The following ADCY2 variants were observed in gnomAD, a reference collection of about 807,000 sequenced individuals.
ADCY2 encodes the protein adenylate cyclase type 2.
A neutral mutation model predicts 125.2 loss-of-function variants in ADCY2; 31 were observed. That is an observed-to-expected ratio of 0.25 (90% CI 0.19 to 0.33). ADCY2 has a LOEUF of 0.33. Among genes scored for constraint, ADCY2 ranks in the 10% least tolerant of loss-of-function variants. The pLI, the probability that ADCY2 is intolerant of heterozygous loss-of-function variation, is 1.00. For synonymous variants in ADCY2, 512 were observed against 548.4 expected (o/e 0.93, Z 0.93); for missense variants, 904 against 1,418.2 (o/e 0.64, Z 5.82).
At chr5:7,695,226 C>T (rs1039747888) in intron 5 of ADCY2, among the ~76,000 whole-genome samples, 6 of 152,200 alleles carry the variant, frequency 3.9e-5, no homozygotes, top group African/African-American at 1.2e-4. Context: ...CTGTCATTTC[C>T]GAAGAGTGAC....
At chr5:7,573,227 C>A (rs1736119244) in intron 3 of ADCY2, among the ~76,000 whole-genome samples, 1 of 152,186 alleles carries the variant, frequency 6.6e-6, no homozygotes, top group Admixed American at 6.5e-5. Flanking sequence ...ACTAGCAAAT[C>A]AATGCAATAA....
intron 2 of ADCY2, among the ~76,000 whole-genome samples, chr5:7,486,692 C>G (rs1243955880): frequency 6.6e-6 from 1 of 151,788 alleles, no homozygotes; most frequent in Non-Finnish European, 1.5e-5. Flanking sequence ...TCCATAAATT[C>G]TGACATTTTA....
intron 4 of ADCY2, among the ~76,000 whole-genome samples, chr5:7,675,403 C>T (rs1239323702): frequency 1.3e-5 from 2 of 152,096 alleles, no homozygotes; most frequent in Non-Finnish European, 2.9e-5. Flanking sequence ...CCTTCCCCCA[C>T]CAAATGATTT....
chr5:7,817,754 T>C (rs994569072), intron 23 of ADCY2, among the ~76,000 whole-genome samples: 1 of 142,656 alleles, frequency 7.0e-6, no homozygotes, highest in Admixed American at 7.5e-5. Flanking sequence ...ACCCAAGAGG[T>C]TGAGGCTGCA....
chr5:7,644,869 G>GTA (rs1038667148), intron 4 of ADCY2, among the ~76,000 whole-genome samples: 2 of 152,098 alleles, frequency 1.3e-5, no homozygotes, highest in African/African-American at 4.8e-5. Context: ...TTGCCATACA[G>GTA]TAGTATCATA....
At chr5:7,789,143 A>C (rs192109846) in intron 19 of ADCY2, among the ~76,000 whole-genome samples, 58 of 152,370 alleles carry the variant, frequency 3.8e-4, no homozygotes, top group African/African-American at 1.2e-3. Flanking sequence ...CAAGTGGAAG[A>C]AAAATCCATA....
chr5:7,705,145 G>A (rs962612254), intron 7 of ADCY2, among the ~76,000 whole-genome samples: 2 of 152,096 alleles, frequency 1.3e-5, no homozygotes, highest in East Asian at 3.9e-4. Flanking sequence ...AACAATTATG[G>A]GTTCTCTAAT....
intron 4 of ADCY2, among the ~76,000 whole-genome samples, chr5:7,632,985 C>T (rs1738370026): frequency 6.6e-6 from 1 of 152,098 alleles, no homozygotes. Context: ...GAGGAGTCAA[C>T]AGTTACAGAT....
chr5:7,519,484 C>T (rs751021243), intron 2 of ADCY2, among the ~76,000 whole-genome samples: 1 of 152,180 alleles, frequency 6.6e-6, no homozygotes, highest in Non-Finnish European at 1.5e-5. Context: ...GGCCACATGT[C>T]CCATTCCCTA....
intron 20 of ADCY2, chr5:7,799,767 A>T (rs1222688158): frequency 6.6e-6 from 1 of 152,340 alleles, no homozygotes; most frequent in Non-Finnish European, 1.5e-5. Flanking sequence ...AGCCCAGCCT[A>T]GGGGATGAGG....
intron 16 of ADCY2, among the ~76,000 whole-genome samples, 185 bp from the exon 17 acceptor site, chr5:7,766,502 G>C (rs1394175198): frequency 6.6e-6 from 1 of 151,968 alleles, no homozygotes; most frequent in Non-Finnish European, 1.5e-5. Context: ...TGAAGTTCTG[G>C]AATTCTCTAT....
chr5:7,705,103 G>A (rs1004159397), intron 7 of ADCY2, among the ~76,000 whole-genome samples: 1 of 152,128 alleles, frequency 6.6e-6, no homozygotes, highest in Non-Finnish European at 1.5e-5. Flanking sequence ...CACGTGGTTG[G>A]AAATGTCCTC....
chr5:7,608,604 T>C (rs1278582338), intron 3 of ADCY2, among the ~76,000 whole-genome samples: 3 of 152,164 alleles, frequency 2.0e-5, no homozygotes, highest in Non-Finnish European at 4.4e-5. Context: ...GATAAATGCT[T>C]AAAGCAGTAT....
At position 7,709,515 on chromosome 5, in the gene ADCY2, C is replaced by G; in HGVS notation, c.1578+128C>G. 9 of 1,126,964 alleles carry G rather than the reference C, an allele frequency of 8.0e-6. No individual in the cohort carries two copies. Among genetic ancestry groups the G allele is most frequent in the Non-Finnish European group, 1.1e-5 (9 of 819,432 alleles). 69.8% of individuals were successfully genotyped at this position (1,126,964 alleles called of 1,614,324 possible). ...AACAAACTTATCACCTTCTTCTTCT[C>G]AGAGAGGCCCTTATGAACAACCATC... On this transcript the variant is annotated intron_variant, in intron 10 of 24. Coordinates refer to ENST00000338316, the MANE Select transcript of ADCY2 (RefSeq NM_020546.3). The surrounding 1 kb of genome is among the most constrained non-coding windows in gnomAD (Gnocchi z 4.4).
At chr5:7,584,751 A>G (rs913888570) in intron 3 of ADCY2, among the ~76,000 whole-genome samples, 4 of 152,184 alleles carry the variant, frequency 2.6e-5, no homozygotes, top group African/African-American at 9.6e-5. Context: ...ATCTTCATTT[A>G]TGGAGAAAGC....
chr5:7,462,147 G>A (rs1467923460), intron 2 of ADCY2, among the ~76,000 whole-genome samples: 8 of 152,148 alleles, frequency 5.3e-5, no homozygotes, highest in African/African-American at 9.7e-5. Flanking sequence ...TACAGAATGC[G>A]GCCTAAGTAT....
chr5:7,448,882 G>A (rs777360753), intron 2 of ADCY2, among the ~76,000 whole-genome samples: 2 of 152,130 alleles, frequency 1.3e-5, no homozygotes, highest in Non-Finnish European at 2.9e-5. Flanking sequence ...TATCATTGAT[G>A]GGCATTTTGA....
chr5:7,445,823 CTCTT>C (rs1741229826), intron 2 of ADCY2, among the ~76,000 whole-genome samples: 1 of 151,856 alleles, frequency 6.6e-6, no homozygotes, highest in Non-Finnish European at 1.5e-5. Flanking sequence ...TGATTTTTCT[CTCTT>C]AAATTCATGT....
At chr5:7,419,286 T>C (rs1388117) in intron 2 of ADCY2, among the ~76,000 whole-genome samples, 2,344 of 152,194 alleles carry the variant, frequency 0.015, 65 homozygotes, top group African/African-American at 0.054. Context: ...GTGACAGCCG[T>C]TATCGCTGTG....
Sources: allele counts gnomAD v4.1 joint callset (sites outside exome capture counted in the v4.1 genomes callset), GRCh38; gene constraint gnomAD v4.1.1; non-coding constraint Gnocchi (gnomAD v3.1); transcripts MANE v1.5; gene names NCBI Gene and HGNC (gene_info 2026-07-23, HGNC 2026-07-21).